The following SPATA13 variants were observed in gnomAD, a reference collection of about 807,000 sequenced individuals.
The protein encoded by SPATA13 is spermatogenesis-associated protein 13.
In SPATA13, 50 loss-of-function variants were observed where a neutral mutation model predicts 104.0. That is an observed-to-expected ratio of 0.48 (90% CI 0.38 to 0.61). The LOEUF (loss-of-function observed/expected upper bound fraction) is 0.61. Among genes scored for constraint, SPATA13 ranks in the 20% least tolerant of loss-of-function variants. The pLI, the probability that SPATA13 is intolerant of heterozygous loss-of-function variation, is 0.00. For synonymous variants in SPATA13, 606 were observed against 667.5 expected (o/e 0.91, Z 1.42); for missense variants, 1,524 against 1,690.6 (o/e 0.90, Z 1.73).
At position 24,224,594 on chromosome 13, in the gene SPATA13, G is replaced by A. The variant is rs1349536808; in HGVS notation, c.1653+12G>A. The A allele has an allele frequency of 2.0e-6, 3 of 1,537,030 alleles. No individual in the cohort carries two copies. The highest frequency in any genetic ancestry group is 2.6e-6 in the Non-Finnish European group (3 of 1,146,890). ...AGGAGAAGGAGGAGGTAAGGGCAGCGGCGAGGTCCCTCATGTGGGCGACCC... is the reference window on the plus strand; with the variant it reads ...AGGAGAAGGAGGAGGTAAGGGCAGCAGCGAGGTCCCTCATGTGGGCGACCC... On this transcript the variant is annotated intron_variant, in intron 2 of 12. Coordinates refer to ENST00000382108, the MANE Select transcript of SPATA13 (RefSeq NM_001166271.3).
At chr13:24,262,309 C>CTTT (rs71186821) in intron 4 of SPATA13, among the ~76,000 whole-genome samples, 25 of 138,354 alleles carry the variant, frequency 1.8e-4, no homozygotes, top group Non-Finnish European at 2.2e-4. Context: ...AGTTTTTTTT[C>CTTT]TTTTTTTTTT....
chr13:24,016,898 C>T (rs1477233910), intron 2 of SPATA13, among the ~76,000 whole-genome samples: 1 of 152,262 alleles, frequency 6.6e-6, no homozygotes, highest in Non-Finnish European at 1.5e-5. Context: ...CGCCCAGGCT[C>T]ATGCCCAGCC....
intron 3 of SPATA13, among the ~76,000 whole-genome samples, chr13:24,019,160 C>T (rs9551040): frequency 0.2 from 29,489 of 147,608 alleles, 3,006 homozygotes; most frequent in South Asian, 0.3. Context: ...GGGATCTCGG[C>T]TCACTGTAAG....
intron 3 of SPATA13, among the ~76,000 whole-genome samples, chr13:24,137,049 C>G (rs1278258046): frequency 2.5e-5 from 1 of 39,812 alleles, no homozygotes; most frequent in Non-Finnish European, 5.5e-5. Context: ...CCGGGATGGT[C>G]TCAATCTCCT....
At chr13:24,268,797 C>T (rs1593478151) in intron 4 of SPATA13, among the ~76,000 whole-genome samples, 1 of 152,102 alleles carries the variant, frequency 6.6e-6, no homozygotes, top group South Asian at 2.1e-4. Context: ...AGATTTTCAG[C>T]TGAACTGGTC....
intron 3 of SPATA13, among the ~76,000 whole-genome samples, chr13:24,128,256 G>A (rs574865260): frequency 2.6e-5 from 4 of 152,150 alleles, no homozygotes; most frequent in Non-Finnish European, 4.4e-5. Context: ...CCTTGTGCCC[G>A]GAGGGGTGAC....
intron 8 of SPATA13, among the ~76,000 whole-genome samples, chr13:24,289,680 C>T (rs750217499): frequency 1.3e-5 from 2 of 152,150 alleles, no homozygotes; most frequent in Admixed American, 6.5e-5. Flanking sequence ...CCCGGGCATG[C>T]GGCTCCAGGA....
chr13:24,178,235 C>G (rs1034134373), intron 1 of SPATA13, among the ~76,000 whole-genome samples: 7 of 152,196 alleles, frequency 4.6e-5, no homozygotes, highest in Non-Finnish European at 1.0e-4. Context: ...ATAATAACAG[C>G]TCCTACCATT....
chr13:24,215,223 C>A (rs1871213492), intron 1 of SPATA13, among the ~76,000 whole-genome samples: 1 of 152,144 alleles, frequency 6.6e-6, no homozygotes, highest in Non-Finnish European at 1.5e-5. Flanking sequence ...CGTGCATGTC[C>A]TAAATGAGGA....
intron 2 of SPATA13, among the ~76,000 whole-genome samples, chr13:24,228,056 C>T (rs1171803472): frequency 6.6e-6 from 1 of 151,894 alleles, no homozygotes; most frequent in Non-Finnish European, 1.5e-5. Flanking sequence ...AGGCACCTGC[C>T]AGCATGCCCA....
At chr13:24,297,938 A>G (rs1330200124) in intron 11 of SPATA13, among the ~76,000 whole-genome samples, 1 of 152,242 alleles carries the variant, frequency 6.6e-6, no homozygotes, top group Non-Finnish European at 1.5e-5. Context: ...ACTACCGGCA[A>G]CATTTATTCA....
chr13:23,985,749 A>T (rs569120096), intron 2 of SPATA13, among the ~76,000 whole-genome samples: 1 of 152,218 alleles, frequency 6.6e-6, no homozygotes, highest in Non-Finnish European at 1.5e-5. Flanking sequence ...GTTCATTTCC[A>T]GGACAGAAGG....
intron 3 of SPATA13, among the ~76,000 whole-genome samples, chr13:24,083,417 G>A (rs923865478): frequency 1.3e-5 from 2 of 152,200 alleles, no homozygotes; most frequent in Non-Finnish European, 2.9e-5. Context: ...CAGAGTCAAG[G>A]AGGGCAGGCC....
chr13:23,994,499 G>A (rs9507210), intron 2 of SPATA13, among the ~76,000 whole-genome samples: 36,979 of 152,132 alleles, frequency 0.24, 5,123 homozygotes, highest in Non-Finnish European at 0.31. Flanking sequence ...AGGTTCGTGT[G>A]TGGGACTGGC....
chr13:24,036,030 A>AG (rs1460277769), intron 3 of SPATA13, among the ~76,000 whole-genome samples: 13 of 151,526 alleles, frequency 8.6e-5, no homozygotes, highest in African/African-American at 2.4e-4. Context: ...AAAAAAAAAA[A>AG]AAAGAAAGAA....
intron 1 of SPATA13, among the ~76,000 whole-genome samples, chr13:24,196,902 G>GA (rs57682310): frequency 0.12 from 18,008 of 150,200 alleles, 3,447 homozygotes; most frequent in African/African-American, 0.41. Flanking sequence ...GGATTGGCTA[G>GA]AAAAAAAAAC....
chr13:24,052,876 C>T (rs1207473089), intron 3 of SPATA13, among the ~76,000 whole-genome samples: 5 of 123,848 alleles, frequency 4.0e-5, no homozygotes, highest in Admixed American at 2.4e-4. Flanking sequence ...ATTTATACTA[C>T]ATGTCTCATG....
intron 1 of SPATA13, among the ~76,000 whole-genome samples, chr13:24,180,805 A>AT (rs930226974): frequency 2.3e-4 from 35 of 151,484 alleles, no homozygotes; most frequent in East Asian, 7.8e-4. Context: ...CATGTGATGG[A>AT]TTTTTTTTTC....
intron 2 of SPATA13, among the ~76,000 whole-genome samples, chr13:24,242,833 C>T (rs567948704): frequency 1.3e-5 from 2 of 152,162 alleles, no homozygotes; most frequent in African/African-American, 2.4e-5. Context: ...GGATCCTATG[C>T]GTTCCCCTCA....
Sources: allele counts gnomAD v4.1 joint callset (sites outside exome capture counted in the v4.1 genomes callset), GRCh38; gene constraint gnomAD v4.1.1; transcripts MANE v1.5; gene names NCBI Gene and HGNC (gene_info 2026-07-23, HGNC 2026-07-21).